Variants in FRMPD4 observed in about 807,000 individuals in gnomAD.
The protein encoded by FRMPD4 is FERM and PDZ domain-containing protein 4.
Under a neutral mutation model 94.1 loss-of-function variants are expected in FRMPD4, and 22 were observed. The observed-to-expected ratio is 0.23, with a 90% CI of 0.17 to 0.33. The LOEUF is 0.33. FRMPD4 is among the 10% of genes least tolerant of loss of function. The probability of loss-of-function intolerance (pLI) is 1.00; values close to 1 mark genes in which losing one functional copy is unlikely to be tolerated. For missense variants in FRMPD4, 1,111 were observed against 1,339.9 expected, an observed-to-expected ratio of 0.83 and a Z score of 2.67; for synonymous variants, 631 against 548.6, an observed-to-expected ratio of 1.15 and a Z score of -2.10.
chrX:12,245,311 A>AT (rs1010113370), intron 1 of FRMPD4, among the ~76,000 whole-genome samples: 35 of 110,922 alleles, frequency 3.2e-4, no homozygotes, highest in African/African-American at 1.0e-3. Context: ...GTGGGTTGGG[A>AT]TTTTTTTCTC....
intron 1 of FRMPD4, among the ~76,000 whole-genome samples, chrX:11,829,935 A>G (rs1319493204): frequency 1.8e-5 from 2 of 112,312 alleles, no homozygotes; most frequent in Non-Finnish European, 3.8e-5. Context: ...CTTGCTGGAC[A>G]AATTGCAGAC....
chrX:12,062,414 A>G (rs1008015678), intron 3 of FRMPD4, among the ~76,000 whole-genome samples: 4 of 111,703 alleles, frequency 3.6e-5, no homozygotes, highest in African/African-American at 1.3e-4. Flanking sequence ...AATCTTTTAA[A>G]ATACACTTTA....
rs2055639319 is a variant in FRMPD4, at chrX:12,138,760, G to A, written c.-212G>A. On this transcript the variant is annotated 5_prime_UTR_variant, in exon 1 of 17. Transcript: ENST00000675598. Reference sequence around the variant, plus strand: ...GCCTCGGGTGCCTATCAATGGTCCTGCTCGGGGATGCACACGCAGCTCGCG... The same window carrying A: ...GCCTCGGGTGCCTATCAATGGTCCTACTCGGGGATGCACACGCAGCTCGCG... The A allele has an allele frequency of 2.0e-5, 7 of 357,089 alleles. No homozygotes were observed. The highest frequency in any genetic ancestry group is 2.9e-5 in the Non-Finnish European group (6 of 207,653). The allele number at this position is 357,089 out of a possible 1,213,427, so 29.4% of individuals were successfully genotyped here.
intron 3 of FRMPD4, among the ~76,000 whole-genome samples, chrX:12,034,655 G>GT (rs1007563881): frequency 2.8e-4 from 31 of 111,583 alleles, no homozygotes; most frequent in Non-Finnish European, 5.1e-4. Flanking sequence ...AGTCTTTTCG[G>GT]TTTTTTTTAC....
intron 2 of FRMPD4, among the ~76,000 whole-genome samples, chrX:12,535,786 C>T (rs1353509847): frequency 1.8e-5 from 2 of 111,361 alleles, no homozygotes; most frequent in African/African-American, 6.5e-5. Context: ...TTGGTTACAA[C>T]ATAGACCATA....
intron 1 of FRMPD4, among the ~76,000 whole-genome samples, chrX:12,325,872 G>A (rs1379805645): frequency 8.9e-6 from 1 of 112,134 alleles, no homozygotes; most frequent in Non-Finnish European, 1.9e-5. Context: ...TTACTCCTAG[G>A]AAGATGTGTG....
At chrX:12,475,637 G>A (rs2057586715) in intron 1 of FRMPD4, among the ~76,000 whole-genome samples, 1 of 111,933 alleles carries the variant, frequency 8.9e-6, no homozygotes, top group African/African-American at 3.3e-5. Flanking sequence ...AAATCATTGT[G>A]CAAAAATCAC....
At chrX:12,584,901 G>A (rs2058908928) in intron 2 of FRMPD4, among the ~76,000 whole-genome samples, 1 of 111,828 alleles carries the variant, frequency 8.9e-6, no homozygotes, top group Non-Finnish European at 1.9e-5. Context: ...GGAGTGAATT[G>A]GGTTTCTCTA....
At chrX:12,244,288 G>C (rs758101632) in intron 1 of FRMPD4, among the ~76,000 whole-genome samples, 1 of 111,323 alleles carries the variant, frequency 9.0e-6, no homozygotes, top group South Asian at 3.8e-4. Flanking sequence ...CTCCCCTCTA[G>C]TTGGGATGAA....
intron 2 of FRMPD4, among the ~76,000 whole-genome samples, chrX:11,877,422 G>A (rs889221102): frequency 1.7e-4 from 19 of 111,418 alleles, no homozygotes; most frequent in African/African-American, 5.6e-4. Flanking sequence ...AGAGGCAGAT[G>A]CTGAAGCTGC....
chrX:12,000,074 G>T (rs762214571), intron 3 of FRMPD4, among the ~76,000 whole-genome samples: 1 of 112,076 alleles, frequency 8.9e-6, no homozygotes, highest in African/African-American at 3.2e-5. Flanking sequence ...TGCCTTCTCA[G>T]ATTTATTACT....
At chrX:11,944,086 T>C (rs2054176401) in intron 3 of FRMPD4, among the ~76,000 whole-genome samples, 1 of 112,576 alleles carries the variant, frequency 8.9e-6, no homozygotes, top group Admixed American at 9.4e-5. Flanking sequence ...CATGTCCTTG[T>C]TCCAGTAAAA....
chrX:11,928,248 A>C (rs1181245380), intron 3 of FRMPD4, among the ~76,000 whole-genome samples: 1 of 112,066 alleles, frequency 8.9e-6, no homozygotes, highest in Non-Finnish European at 1.9e-5. Flanking sequence ...AGACATACCC[A>C]AGACTGGGTA....
chrX:12,182,748 A>G (rs899763960), intron 1 of FRMPD4, among the ~76,000 whole-genome samples: 15 of 110,991 alleles, frequency 1.4e-4, no homozygotes, highest in African/African-American at 4.3e-4. Context: ...TTTGTAATGG[A>G]CTTATCACCT....
chrX:12,533,184 T>C, intron 2 of FRMPD4, among the ~76,000 whole-genome samples: 1 of 111,408 alleles, frequency 9.0e-6, no homozygotes, highest in Non-Finnish European at 1.9e-5. Flanking sequence ...ATAAGTCTCA[T>C]GAGACCTGAT....
At chrX:11,976,393 T>TA (rs760756000) in intron 3 of FRMPD4, among the ~76,000 whole-genome samples, 1,153 of 112,395 alleles carry the variant, frequency 0.01, 9 homozygotes, top group African/African-American at 0.036. Context: ...GTTTTTCCTT[T>TA]AAAAAATCAT....
intron 2 of FRMPD4, among the ~76,000 whole-genome samples, chrX:12,572,498 C>T (rs1602148483): frequency 8.9e-6 from 1 of 112,149 alleles, no homozygotes. Context: ...AAAATAAAAT[C>T]ATTTTTTAAT....
intron 1 of FRMPD4, among the ~76,000 whole-genome samples, chrX:12,231,030 G>GTATATATATATA (rs56948982): frequency 3.8e-5 from 1 of 26,410 alleles, no homozygotes; most frequent in African/African-American, 1.2e-4. Flanking sequence ...TATATATATA[G>GTATATATATATA]TATATATATA....
intron 3 of FRMPD4, among the ~76,000 whole-genome samples, chrX:12,111,669 C>T (rs1242928706): frequency 8.9e-6 from 1 of 111,933 alleles, no homozygotes; most frequent in Non-Finnish European, 1.9e-5. Context: ...GCAAACTACT[C>T]ATCTGACAAA....
Sources: gnomAD v4.1 joint callset for allele counts (sites outside exome capture counted in the v4.1 genomes callset) on GRCh38, gnomAD v4.1.1 for gene constraint, MANE v1.5 for transcripts, NCBI Gene and HGNC (gene_info 2026-07-23, HGNC 2026-07-21) for gene names.